The following NR6A1 variants were observed in gnomAD, a reference collection of about 807,000 sequenced individuals.
NR6A1 encodes the protein nuclear receptor subfamily 6 group A member 1, also known as retinoic acid receptor-related testis-associated receptor.
A neutral mutation model predicts 59.1 loss-of-function variants in NR6A1; 7 were observed. That is an observed-to-expected ratio of 0.12 (90% CI 0.07 to 0.22). The LOEUF (loss-of-function observed/expected upper bound fraction) is 0.22. Among genes scored for constraint, NR6A1 ranks in the 10% least tolerant of loss-of-function variants. The pLI is 1.00. For synonymous variants in NR6A1, 243 were observed against 236.1 expected (o/e 1.03, Z -0.27); for missense variants, 468 against 611.6 (o/e 0.77, Z 2.48).
At chr9:124,731,095 G>A (rs893646636) in intron 2 of NR6A1, among the ~76,000 whole-genome samples, 1 of 152,090 alleles carries the variant, frequency 6.6e-6, no homozygotes, top group Non-Finnish European at 1.5e-5. Flanking sequence ...ACCATGGCCA[G>A]GTGCAGTGGT....
rs182717688 is a variant in NR6A1 at position 124,637,008 on chromosome 9, A to G, written c.143-82438T>C. On this transcript the variant is annotated intron_variant, in intron 2 of 9. Coordinates refer to ENST00000487099, the MANE Select transcript of NR6A1 (RefSeq NM_033334.4). ...AGGGAGACAGATCAGGAAATAAACT[A>G]ATGTACTTACTACATTAGAGAAAAG... 2.6e-5 allele frequency among the ~76,000 whole-genome samples: 4 copies of G among 152,284 alleles called. No individual in the cohort carries two copies. The East Asian group carries it at 5.8e-4, about 22-fold the overall frequency.
intron 2 of NR6A1, among the ~76,000 whole-genome samples, chr9:124,583,971 GGA>G (rs1261512589): frequency 6.6e-6 from 1 of 152,120 alleles, no homozygotes; most frequent in Non-Finnish European, 1.5e-5. Context: ...CACAGGGCAG[GGA>G]GAGAGTCTTA....
chr9:124,638,086 AAAAATT>A (rs1187170679), intron 2 of NR6A1, among the ~76,000 whole-genome samples: 1 of 151,792 alleles, frequency 6.6e-6, no homozygotes, highest in Non-Finnish European at 1.5e-5. Context: ...CATCTCTACA[AAAAATT>A]AAAATTTAAA....
intron 2 of NR6A1, among the ~76,000 whole-genome samples, chr9:124,603,779 A>C (rs1835509660): frequency 1.3e-5 from 2 of 152,154 alleles, no homozygotes; most frequent in South Asian, 4.1e-4. Flanking sequence ...GGGGGAAAAA[A>C]AACCTTCAGG....
intron 2 of NR6A1, among the ~76,000 whole-genome samples, chr9:124,675,023 TAATC>T (rs1205853301): frequency 6.6e-6 from 1 of 152,210 alleles, no homozygotes; most frequent in Non-Finnish European, 1.5e-5. Context: ...TAGGACAAAA[TAATC>T]AATTCTGGAA....
chr9:124,678,413 T>C (rs1370222966), intron 2 of NR6A1, among the ~76,000 whole-genome samples: 1 of 152,244 alleles, frequency 6.6e-6, no homozygotes, highest in African/African-American at 2.4e-5. Flanking sequence ...GTGACATATT[T>C]AGCAATGTGC....
chr9:124,596,376 A>T (rs1835273790), intron 2 of NR6A1, among the ~76,000 whole-genome samples: 1 of 152,168 alleles, frequency 6.6e-6, no homozygotes, highest in Non-Finnish European at 1.5e-5. Context: ...ATGACAAGGC[A>T]AATTCCTCTA....
At chr9:124,648,064 G>A (rs903873875) in intron 2 of NR6A1, among the ~76,000 whole-genome samples, 11 of 151,962 alleles carry the variant, frequency 7.2e-5, no homozygotes, top group Admixed American at 7.2e-4. Flanking sequence ...TAGAATACTA[G>A]GCAAACTGAA....
intron 2 of NR6A1, among the ~76,000 whole-genome samples, chr9:124,685,749 AC>A (rs1314033589): frequency 2.0e-5 from 3 of 152,164 alleles, no homozygotes; most frequent in Non-Finnish European, 4.4e-5. Context: ...TATTTATTCA[AC>A]CCAGAATTAT....
chr9:124,655,850 G>C (rs1166602475), intron 2 of NR6A1, among the ~76,000 whole-genome samples: 1 of 152,176 alleles, frequency 6.6e-6, no homozygotes, highest in African/African-American at 2.4e-5. Flanking sequence ...GAATAGTCAA[G>C]AAAAACTGTC....
intron 2 of NR6A1, among the ~76,000 whole-genome samples, chr9:124,604,559 C>T (rs1382671212): frequency 1.3e-5 from 2 of 152,096 alleles, no homozygotes; most frequent in Non-Finnish European, 2.9e-5. Context: ...CTGTAATCCC[C>T]GCACTTTGGG....
intron 2 of NR6A1, among the ~76,000 whole-genome samples, chr9:124,668,278 G>C (rs78675813): frequency 0.04 from 6,116 of 152,210 alleles, 294 homozygotes; most frequent in East Asian, 0.25. Context: ...CCTTCACACT[G>C]AGTAGGCCAA....
chr9:124,615,353 T>C (rs546709752), intron 2 of NR6A1, among the ~76,000 whole-genome samples: 2 of 152,266 alleles, frequency 1.3e-5, no homozygotes, highest in East Asian at 1.9e-4. Flanking sequence ...TAGGCACATA[T>C]AGTTGGGGTT....
At chr9:124,582,710 G>T (rs1171823659) in intron 2 of NR6A1, among the ~76,000 whole-genome samples, 1 of 152,154 alleles carries the variant, frequency 6.6e-6, no homozygotes, top group African/African-American at 2.4e-5. Context: ...AATACAGTGA[G>T]ACCTCATCTC....
intron 1 of NR6A1, among the ~76,000 whole-genome samples, chr9:124,748,608 C>T (rs1233945625): frequency 2.0e-5 from 3 of 152,170 alleles, no homozygotes. Flanking sequence ...AGCCTGTAAT[C>T]CCAGCACTTT....
chr9:124,692,880 G>A (rs1838607144), intron 2 of NR6A1, among the ~76,000 whole-genome samples: 1 of 152,160 alleles, frequency 6.6e-6, no homozygotes, highest in Non-Finnish European at 1.5e-5. Context: ...ATAAAATCCA[G>A]TTAAATAATT....
intron 2 of NR6A1, among the ~76,000 whole-genome samples, chr9:124,729,762 T>A (rs1839829559): frequency 6.6e-6 from 1 of 152,154 alleles, no homozygotes; most frequent in African/African-American, 2.4e-5. Flanking sequence ...AACATGCTCA[T>A]TTGAACCCCA....
chr9:124,654,790 T>A (rs1837203201), intron 2 of NR6A1, among the ~76,000 whole-genome samples: 1 of 151,902 alleles, frequency 6.6e-6, no homozygotes, highest in Non-Finnish European at 1.5e-5. Context: ...TGTCTCCCCA[T>A]TAGAATGTAA....
chr9:124,626,736 C>A (rs1291472467), intron 2 of NR6A1, among the ~76,000 whole-genome samples: 1 of 151,980 alleles, frequency 6.6e-6, no homozygotes, highest in Non-Finnish European at 1.5e-5. Flanking sequence ...GAATTTGAGA[C>A]CAGCCTGGCC....
Sources: allele counts gnomAD v4.1 joint callset (sites outside exome capture counted in the v4.1 genomes callset), GRCh38; gene constraint gnomAD v4.1.1; transcripts MANE v1.5; gene names NCBI Gene and HGNC (gene_info 2026-07-23, HGNC 2026-07-21).